MRPS6: variants seen among roughly 807,000 people sequenced by gnomAD.
The protein encoded by MRPS6 is mitochondrial ribosomal protein S6.
MRPS6 carries 6 observed loss-of-function variants against 13.1 expected under a neutral mutation model. That is an observed-to-expected ratio of 0.46 (90% CI 0.25 to 0.91). MRPS6 has a LOEUF of 0.91. Ranked by LOEUF, MRPS6 falls within the 40% of genes least tolerant of loss-of-function variation. The pLI is 0.18. For synonymous variants in MRPS6, 61 were observed against 56.5 expected (o/e 1.08, Z -0.36); for missense variants, 164 against 155.6 (o/e 1.05, Z -0.29).
chr21:34,099,536 A>G (rs1314869007), intron 1 of MRPS6: 2 of 999,742 alleles, frequency 2.0e-6, no homozygotes, highest in Non-Finnish European at 2.4e-6. Flanking sequence ...ATTCACTGAT[A>G]ATTGACATAT....
chr21:34,136,943 G>A (rs527600118), intron 2 of MRPS6, among the ~76,000 whole-genome samples: 3 of 152,222 alleles, frequency 2.0e-5, no homozygotes, highest in East Asian at 3.9e-4. Flanking sequence ...AAGAAAGTTC[G>A]GTTTTTTTGC....
At chr21:34,099,073 C>T (rs182934815) in intron 1 of MRPS6, 1 of 999,032 alleles carries the variant, frequency 1.0e-6, no homozygotes, top group African/African-American at 1.7e-5. Flanking sequence ...TAGAAATTGT[C>T]AGGTAGCATA....
At chr21:34,077,191 T>A (rs1000882027) in intron 1 of MRPS6, among the ~76,000 whole-genome samples, 6 of 152,200 alleles carry the variant, frequency 3.9e-5, no homozygotes, top group African/African-American at 1.4e-4. Flanking sequence ...AAGGTTGGTA[T>A]TTCAGTTAGG....
In MRPS6 at chr21:34,096,085, A is replaced by G. The variant is rs1250041376; in HGVS notation, c.45+22340A>G. The G allele has an allele frequency of 1.9e-6, 3 of 1,614,110 alleles. No homozygotes were observed. In the Admixed American group the frequency reaches 5.0e-5, roughly 27 times the overall value. The stretch of plus-strand genomic sequence containing the variant: ...GCAGCCAAAAACATTGCTCATGCCA[A>G]AGGCTCTACTCTTATGGCTGGCTTC... On this transcript the variant is annotated intron_variant, in intron 1 of 2. Transcript: ENST00000399312. This position sits in a 1 kb window ranked among gnomAD's most constrained non-coding sequence, Gnocchi z 5.9.
At chr21:34,137,024 G>T (rs540692174) in intron 2 of MRPS6, among the ~76,000 whole-genome samples, 2 of 152,162 alleles carry the variant, frequency 1.3e-5, no homozygotes, top group South Asian at 2.1e-4. Flanking sequence ...CTAGTCTTTT[G>T]ATCTCTCTGT....
intron 1 of MRPS6, among the ~76,000 whole-genome samples, chr21:34,092,120 A>G (rs1783295): frequency 2.8e-5 from 1 of 35,398 alleles, no homozygotes; most frequent in Non-Finnish European, 1.8e-4. Flanking sequence ...TAAAAGGAAG[A>G]AAAACATATA....
At chr21:34,137,552 TCAC>T (rs1330899654) in intron 2 of MRPS6, among the ~76,000 whole-genome samples, 1 of 152,244 alleles carries the variant, frequency 6.6e-6, no homozygotes, top group Non-Finnish European at 1.5e-5. Context: ...TAAGACAGTC[TCAC>T]TTTTTGCTTA....
At chr21:34,083,376 G>A (rs1219469550) in intron 1 of MRPS6, among the ~76,000 whole-genome samples, 1 of 152,196 alleles carries the variant, frequency 6.6e-6, no homozygotes. Context: ...GATGCCCCGT[G>A]TATGAATTCC....
At chr21:34,104,738 A>G in intron 1 of MRPS6, 2 of 999,216 alleles carry the variant, frequency 2.0e-6, no homozygotes, top group South Asian at 9.4e-5. Context: ...AGGAAAGAGA[A>G]GTTTGAGGAA....
In MRPS6 at chr21:34,125,510, G is replaced by A. The variant is rs370037637; in HGVS notation, c.185+30G>A. ...GTTTCTTCATGAAGTCTTGAAAGAC[G>A]TTTTTGATAGGCTCAGTAAAGAGTA... On this transcript the variant is annotated intron_variant, in intron 2 of 2. Transcript: ENST00000399312. 1.9e-4 allele frequency: 313 copies of A among 1,610,646 alleles called. 1 individual carries two copies. The highest frequency in any genetic ancestry group is 1.1e-3 in the Admixed American group (67 of 59,158).
intron 2 of MRPS6, chr21:34,135,931 G>T: frequency 2.3e-6 from 1 of 441,774 alleles, no homozygotes. Context: ...CTCCTTCACT[G>T]CAATGGAATC....
rs552245722 is a variant in MRPS6 at position 34,096,045 on chromosome 21, G to A, written c.45+22300G>A. ...GTACTGGTGTGCTGACCAAGTCATC[G>A]TGCAGAGGGTCCTTGCAGCCAAAAA... On this transcript the variant is annotated intron_variant, in intron 1 of 2. Transcript: ENST00000399312. This position sits in a 1 kb window ranked among gnomAD's most constrained non-coding sequence, Gnocchi z 5.9. 5.0e-6 allele frequency: 8 copies of A among 1,614,116 alleles called. No homozygotes were observed. Among genetic ancestry groups the A allele is most frequent in the Non-Finnish European group, 5.1e-6 (6 of 1,179,998 alleles).
At chr21:34,104,963 G>A (rs901761326) in intron 1 of MRPS6, 5 of 999,270 alleles carry the variant, frequency 5.0e-6, no homozygotes, top group South Asian at 9.4e-5. Flanking sequence ...AGTAGTCCTA[G>A]CAGTGTAAAT....
At chr21:34,112,399 C>T (rs763019356) in intron 1 of MRPS6, among the ~76,000 whole-genome samples, 6 of 144,496 alleles carry the variant, frequency 4.2e-5, no homozygotes, top group Non-Finnish European at 6.0e-5. Context: ...AAGAAAGACA[C>T]GTTTATAGAA....
Position 34,073,776 on chromosome 21 carries a change from C to G in MRPS6, c.45+31C>G. ...TGACCTTCCCTCAGAGCCGGTCTTC[C>G]CGCGCGGGCGCCCCCGCTGCCGCTA... On this transcript the variant is annotated intron_variant, in intron 1 of 2. Coordinates refer to ENST00000399312, the MANE Select transcript of MRPS6 (RefSeq NM_032476.4). The G allele has an allele frequency of 8.2e-6, 12 of 1,456,826 alleles. 1 individual carries two copies. In the South Asian group the frequency reaches 1.2e-4, roughly 15 times the overall value. The allele number at this position is 1,456,826 out of a possible 1,614,324, so 90.2% of individuals were successfully genotyped here. A position where few individuals can be genotyped will look rare whatever the true frequency, so the allele number is the denominator to read the frequency against.
intron 1 of MRPS6, 73 bp from the exon 2 acceptor site, chr21:34,125,268 A>C: frequency 6.4e-7 from 1 of 1,569,298 alleles, no homozygotes; most frequent in Non-Finnish European, 8.6e-7. Context: ...AACTGAGCAG[A>C]CTTAATCATT....
At position 34,095,146 on chromosome 21, in the gene MRPS6, T is replaced by TA; in HGVS notation, c.45+21406dup. On this transcript the variant is annotated intron_variant, in intron 1 of 2. Coordinates refer to ENST00000399312, the MANE Select transcript of MRPS6 (RefSeq NM_032476.4). ...CTTGGCTGGGGTTACTAAAAATAAATAAAAAGTTGGACACTTCTGTCATTG... is the reference window on the plus strand; with the variant it reads ...CTTGGCTGGGGTTACTAAAAATAAATAAAAAAGTTGGACACTTCTGTCATTG... 3 of 1,521,054 alleles carry TA rather than the reference T, an allele frequency of 2.0e-6. No homozygotes were observed. In the East Asian group the frequency reaches 6.9e-5, roughly 35 times the overall value. 94.2% of individuals were successfully genotyped at this position (1,521,054 alleles called of 1,614,324 possible).
chr21:34,086,517 TTGTGTGTG>T lies in MRPS6; in HGVS notation c.45+12796_45+12803del, dbSNP rs34988334. Among the ~76,000 whole-genome samples, 683 of 148,378 alleles carry T rather than the reference TTGTGTGTG, an allele frequency of 4.6e-3. 3 individuals carry two copies. Among genetic ancestry groups the T allele is most frequent in the African/African-American group, 0.015 (607 of 40,142 alleles). Reference sequence around the variant, plus strand: ...ACTTGTGTTTATTTCTAGTTTGTGTTTGTGTGTGTGTGTGTGTGTGTGTGTGTGTGTAT... The same window carrying T: ...ACTTGTGTTTATTTCTAGTTTGTGTTTGTGTGTGTGTGTGTGTGTGTGTAT... On this transcript the variant is annotated intron_variant, in intron 1 of 2. Coordinates refer to ENST00000399312, the MANE Select transcript of MRPS6 (RefSeq NM_032476.4).
chr21:34,098,568 C>G, intron 1 of MRPS6: 2 of 1,000,206 alleles, frequency 2.0e-6, no homozygotes, highest in Non-Finnish European at 2.4e-6. Context: ...CCGTCGGTAA[C>G]AGAAAACTCA....
Sources: gnomAD v4.1 joint callset for allele counts (sites outside exome capture counted in the v4.1 genomes callset) on GRCh38, gnomAD v4.1.1 for gene constraint, Gnocchi (gnomAD v3.1) non-coding constraint, MANE v1.5 for transcripts, NCBI Gene and HGNC (gene_info 2026-07-23, HGNC 2026-07-21) for gene names.